ITSN1: variants seen among roughly 807,000 people sequenced by gnomAD.
ITSN1 encodes intersectin 1.
In ITSN1, 58 loss-of-function variants were observed where a neutral mutation model predicts 239.8. The observed-to-expected ratio is 0.24, with a 90% CI of 0.20 to 0.30. ITSN1 has a LOEUF of 0.30. Ranked by LOEUF, ITSN1 falls within the 10% of genes least tolerant of loss-of-function variation. ITSN1 has a pLI of 1.00. For missense variants in ITSN1, 1,558 were observed against 2,103.3 expected, an observed-to-expected ratio of 0.74 and a Z score of 5.07; for synonymous variants, 780 against 770.8, an observed-to-expected ratio of 1.01 and a Z score of -0.20.
intron 34 of ITSN1, among the ~76,000 whole-genome samples, chr21:33,877,852 T>C (rs1018888897): frequency 4.5e-5 from 5 of 110,132 alleles, no homozygotes; most frequent in African/African-American, 2.0e-4. Context: ...TGTGTGTGTG[T>C]GTGTGTGTGC....
chr21:33,687,398 TAAAAAAAA>T lies in ITSN1; in HGVS notation c.-32-31376_-32-31369del, dbSNP rs58230508. Reference sequence around the variant, plus strand: ...GGGCAACAAGAGCAGAACTCCATCTTAAAAAAAAAAAAAAAAAAAAAAAAAAAAAAGAA... The same window carrying T: ...GGGCAACAAGAGCAGAACTCCATCTTAAAAAAAAAAAAAAAAAAAAAAGAA... On this transcript the variant is annotated intron_variant, in intron 1 of 39. Transcript: ENST00000381318. Among the ~76,000 whole-genome samples the T allele has an allele frequency of 7.9e-3, 643 of 81,334 alleles. 8 individuals are homozygous for T. Among genetic ancestry groups the T allele is most frequent in the African/African-American group, 0.017 (314 of 18,478 alleles). 53.4% of individuals were successfully genotyped at this position (81,334 alleles called of 152,430 possible).
Position 33,829,841 on chromosome 21 carries a change from C to T in ITSN1, c.3351+96C>T. On this transcript the variant is annotated intron_variant, in intron 27 of 39. Coordinates refer to ENST00000381318, the MANE Select transcript of ITSN1 (RefSeq NM_003024.3). ...ATTTTATTGTAAAGTACAAACCACC[C>T]CTCACCACCTAAATTCTGTATTTGG... 6 of 1,389,322 alleles carry T rather than the reference C, an allele frequency of 4.3e-6. No homozygotes were observed. The South Asian group carries it at 7.8e-5, about 18-fold the overall frequency. 86.1% of individuals were successfully genotyped at this position (1,389,322 alleles called of 1,614,324 possible).
intron 1 of ITSN1, among the ~76,000 whole-genome samples, chr21:33,718,136 T>G (rs2065274785): frequency 6.6e-6 from 1 of 152,312 alleles, no homozygotes; most frequent in Non-Finnish European, 1.5e-5. Flanking sequence ...AATATGGGGA[T>G]GGTAATAATG....
At chr21:33,746,533 C>T (rs1274138359) in intron 5 of ITSN1, among the ~76,000 whole-genome samples, 1 of 152,146 alleles carries the variant, frequency 6.6e-6, no homozygotes, top group East Asian at 1.9e-4. Flanking sequence ...AAAAGTATGA[C>T]AATTGATGTG....
At chr21:33,672,338 G>T (rs997796032) in intron 1 of ITSN1, among the ~76,000 whole-genome samples, 1 of 152,040 alleles carries the variant, frequency 6.6e-6, no homozygotes, top group South Asian at 2.1e-4. Flanking sequence ...ACAATCTCAG[G>T]TAAGATGCAA....
At chr21:33,693,096 C>T (rs930654746) in intron 1 of ITSN1, among the ~76,000 whole-genome samples, 6 of 152,012 alleles carry the variant, frequency 3.9e-5, no homozygotes, top group African/African-American at 1.4e-4. Context: ...GCGCCCAGCC[C>T]AGTAAAATCT....
intron 16 of ITSN1, among the ~76,000 whole-genome samples, chr21:33,788,220 C>T (rs1235978622): frequency 6.6e-6 from 1 of 152,094 alleles, no homozygotes; most frequent in Non-Finnish European, 1.5e-5. Flanking sequence ...CAGAGGGTGT[C>T]TGATTACCTA....
chr21:33,769,710 T>C (rs1378454510), intron 11 of ITSN1, among the ~76,000 whole-genome samples: 1 of 152,034 alleles, frequency 6.6e-6, no homozygotes, highest in Non-Finnish European at 1.5e-5. Context: ...TTTTTTTTTT[T>C]TGAGACGGTT....
At chr21:33,674,290 A>G (rs1190967398) in intron 1 of ITSN1, among the ~76,000 whole-genome samples, 1 of 152,232 alleles carries the variant, frequency 6.6e-6, no homozygotes, top group African/African-American at 2.4e-5. Flanking sequence ...ATGTGTTACT[A>G]TTGAAAATTA....
rs535355205 is a variant in ITSN1, at chr21:33,706,774, G to A, written c.-32-12023G>A. On this transcript the variant is annotated intron_variant, in intron 1 of 39. Coordinates refer to ENST00000381318, the MANE Select transcript of ITSN1 (RefSeq NM_003024.3). ...TATTTATTTATTTATTTTTTTTGGC[G>A]TGCTGTTGCACAATCTTGGCTCACT... Among the ~76,000 whole-genome samples the A allele has an allele frequency of 1.8e-4, 27 of 151,616 alleles. No homozygotes were observed. The South Asian group carries it at 3.7e-3, about 21-fold the overall frequency.
intron 1 of ITSN1, among the ~76,000 whole-genome samples, chr21:33,659,111 G>A (rs914111858): frequency 6.6e-6 from 1 of 152,190 alleles, no homozygotes; most frequent in African/African-American, 2.4e-5. Context: ...GTTCAGTCAC[G>A]TGGTCAGTGA....
At chr21:33,686,041 G>A (rs1055897238) in intron 1 of ITSN1, among the ~76,000 whole-genome samples, 3 of 152,146 alleles carry the variant, frequency 2.0e-5, no homozygotes, top group African/African-American at 7.2e-5. Flanking sequence ...TTTATATTTT[G>A]CTTTATTACA....
chr21:33,667,135 T>G (rs1001565947), intron 1 of ITSN1, among the ~76,000 whole-genome samples: 1 of 143,078 alleles, frequency 7.0e-6, no homozygotes, highest in African/African-American at 2.5e-5. Flanking sequence ...GCCTATTTGC[T>G]TTTTTTTTTT....
At chr21:33,841,397 A>C (rs1324023566) in intron 29 of ITSN1, among the ~76,000 whole-genome samples, 1 of 152,232 alleles carries the variant, frequency 6.6e-6, no homozygotes, top group Non-Finnish European at 1.5e-5. Flanking sequence ...GGTTAAAAAA[A>C]AATGCCTATT....
intron 19 of ITSN1, among the ~76,000 whole-genome samples, chr21:33,802,024 G>A (rs1190764073): frequency 1.3e-5 from 2 of 152,074 alleles, no homozygotes. Context: ...CCATATAATA[G>A]GAATCTAAAA....
chr21:33,695,366 T>G (rs780679473), intron 1 of ITSN1, among the ~76,000 whole-genome samples: 1 of 152,214 alleles, frequency 6.6e-6, no homozygotes, highest in African/African-American at 2.4e-5. Context: ...AAGATCCATT[T>G]TAAAAGTTGG....
intron 16 of ITSN1, among the ~76,000 whole-genome samples, chr21:33,789,364 G>A (rs2070923894): frequency 6.6e-6 from 1 of 152,080 alleles, no homozygotes; most frequent in Non-Finnish European, 1.5e-5. Context: ...TTAACAGTAT[G>A]AAGATTATTA....
At chr21:33,673,108 A>G (rs1332775008) in intron 1 of ITSN1, among the ~76,000 whole-genome samples, 2 of 152,244 alleles carry the variant, frequency 1.3e-5, no homozygotes, top group Non-Finnish European at 2.9e-5. Context: ...GTCATTTGTG[A>G]CAACATAGAT....
In ITSN1 at chr21:33,675,286, G is replaced by A. The variant is rs147281786; in HGVS notation, c.-33+32573G>A. ...GCATGTAAAAATCTTGATATGGGCCGGGCACGGTGGCTCAAGCCTGTAATC... is the reference window on the plus strand; with the variant it reads ...GCATGTAAAAATCTTGATATGGGCCAGGCACGGTGGCTCAAGCCTGTAATC... On this transcript the variant is annotated intron_variant, in intron 1 of 39. Coordinates refer to ENST00000381318, the MANE Select transcript of ITSN1 (RefSeq NM_003024.3). Among the ~76,000 whole-genome samples the A allele has an allele frequency of 5.0e-3, 756 of 152,202 alleles. 5 individuals are homozygous for A. Among genetic ancestry groups the A allele is most frequent in the Non-Finnish European group, 7.2e-3 (487 of 68,010 alleles).
Sources: gnomAD v4.1 joint callset for allele counts (sites outside exome capture counted in the v4.1 genomes callset) on GRCh38, gnomAD v4.1.1 for gene constraint, MANE v1.5 for transcripts, NCBI Gene and HGNC (gene_info 2026-07-23, HGNC 2026-07-21) for gene names.